Variants in KCNIP4 observed in about 807,000 individuals in gnomAD.
The protein encoded by KCNIP4 is Kv channel-interacting protein 4.
KCNIP4 carries 12 observed loss-of-function variants against 34.0 expected under a neutral mutation model. The observed-to-expected ratio is 0.35, with a 90% CI of 0.23 to 0.57. The LOEUF is 0.57. Among genes scored for constraint, KCNIP4 ranks in the 20% least tolerant of loss-of-function variants. The pLI, the probability that KCNIP4 is intolerant of heterozygous loss-of-function variation, is 0.83. For missense variants in KCNIP4, 238 were observed against 311.7 expected, an observed-to-expected ratio of 0.76 and a Z score of 1.78; for synonymous variants, 124 against 102.2, an observed-to-expected ratio of 1.21 and a Z score of -1.29.
At position 20,729,090 on chromosome 4, in the gene KCNIP4, A is replaced by G. The variant is rs564171608; in HGVS notation, c.*992T>C. 1.3e-5 allele frequency: 2 copies of G among 152,044 alleles called. No individual in the cohort carries two copies. Among genetic ancestry groups the G allele is most frequent in the South Asian group, 2.2e-4 (1 of 4,460 alleles). The allele number at this position is 152,044 out of a possible 1,614,324, so 9.4% of individuals were successfully genotyped here. ...TTTGCTTGCTGTTTGTTCTTAGTAG[A>G]CAGTGGGGTAGTCAAGGTTTCTTTC... On this transcript the variant is annotated 3_prime_UTR_variant, in exon 9 of 9. Transcript: ENST00000382152.
chr4:21,272,887 C>G (rs1762236924), intron 1 of KCNIP4, among the ~76,000 whole-genome samples: 1 of 152,108 alleles, frequency 6.6e-6, no homozygotes, highest in Non-Finnish European at 1.5e-5. Flanking sequence ...TTATCTACAG[C>G]ACAATTATTG....
intron 1 of KCNIP4, among the ~76,000 whole-genome samples, chr4:21,856,353 T>G (rs1474117183): frequency 6.6e-6 from 1 of 152,022 alleles, no homozygotes; most frequent in African/African-American, 2.4e-5. Context: ...GAATATAAAG[T>G]TGTGAGTGGC....
intron 1 of KCNIP4, among the ~76,000 whole-genome samples, chr4:21,799,939 C>T (rs1241163643): frequency 6.6e-6 from 1 of 152,092 alleles, no homozygotes; most frequent in Non-Finnish European, 1.5e-5. Context: ...TAGTTGTGAC[C>T]GTGACTATAC....
At chr4:21,086,979 CTCTT>C (rs1325860322) in intron 1 of KCNIP4, among the ~76,000 whole-genome samples, 24 of 146,686 alleles carry the variant, frequency 1.6e-4, no homozygotes, top group African/African-American at 2.5e-4. Context: ...CTCTCTCTCT[CTCTT>C]TCTTTCTTTT....
chr4:21,811,549 C>T (rs992906488), intron 1 of KCNIP4, among the ~76,000 whole-genome samples: 5 of 152,176 alleles, frequency 3.3e-5, no homozygotes, highest in South Asian at 4.1e-4. Context: ...GGGTAGGATT[C>T]GCTGAGCCTT....
intron 1 of KCNIP4, among the ~76,000 whole-genome samples, chr4:21,195,795 A>T (rs1335000986): frequency 6.6e-6 from 1 of 152,114 alleles, no homozygotes; most frequent in African/African-American, 2.4e-5. Context: ...GCTCATTAAG[A>T]ATGTTGCAAC....
rs185106086 is a variant in KCNIP4 at position 20,967,883 on chromosome 4, G to C, written c.62-85174C>G. 2.1e-4 allele frequency among the ~76,000 whole-genome samples: 32 copies of C among 152,268 alleles called. No individual in the cohort carries two copies. The South Asian group carries it at 2.9e-3, about 14-fold the overall frequency. ...ACATAGGCATGGGCAAAGACTTCAT[G>C]ACTAACACACCAAAAGCAATGGCAA... On this transcript the variant is annotated intron_variant, in intron 1 of 8. Transcript: ENST00000382152.
chr4:21,440,595 G>A (rs1301510948), intron 1 of KCNIP4, among the ~76,000 whole-genome samples: 1 of 152,166 alleles, frequency 6.6e-6, no homozygotes, highest in Admixed American at 6.5e-5. Flanking sequence ...AAAAAATTGG[G>A]CGTCCGCCGG....
intron 1 of KCNIP4, among the ~76,000 whole-genome samples, chr4:20,913,674 T>A (rs1338868197): frequency 6.6e-6 from 1 of 152,196 alleles, no homozygotes; most frequent in East Asian, 1.9e-4. Flanking sequence ...GGCGATTTAG[T>A]GTAGTGGTTA....
At chr4:21,406,615 A>G (rs1724014577) in intron 1 of KCNIP4, among the ~76,000 whole-genome samples, 1 of 152,210 alleles carries the variant, frequency 6.6e-6, no homozygotes, top group Non-Finnish European at 1.5e-5. Context: ...TAAATATGAC[A>G]ATTATCTCAA....
At position 20,729,950 on chromosome 4, in the gene KCNIP4, TA is replaced by T; in HGVS notation, c.*131del. The T allele has an allele frequency of 9.1e-7, 1 of 1,102,398 alleles. No individual in the cohort carries two copies. Among genetic ancestry groups the T allele is most frequent in the Non-Finnish European group, 1.2e-6 (1 of 812,492 alleles). The allele number at this position is 1,102,398 out of a possible 1,614,324, so 68.3% of individuals were successfully genotyped here. A position where few individuals can be genotyped will look rare whatever the true frequency, so the allele number is the denominator to read the frequency against. On this transcript the variant is annotated 3_prime_UTR_variant, in exon 9 of 9. Coordinates refer to ENST00000382152, the MANE Select transcript of KCNIP4 (RefSeq NM_025221.6). Reference sequence around the variant, plus strand: ...AAATCTTTTGGGGATTGCTTTATATTAAAACAAAGCTTGTTTGCATAATATG... The same window carrying T: ...AAATCTTTTGGGGATTGCTTTATATTAAACAAAGCTTGTTTGCATAATATG...
Position 21,285,718 on chromosome 4 carries a change from G to A in KCNIP4, c.62-403009C>T, listed in dbSNP as rs551101569. The stretch of plus-strand genomic sequence containing the variant: ...AAGCCAGGCATGGTAGTAGGTGTCT[G>A]TAATCCCAGCTACTTGGGAGGCTGA... On this transcript the variant is annotated intron_variant, in intron 1 of 8. Transcript: ENST00000382152. 3.2e-3 allele frequency among the ~76,000 whole-genome samples: 484 copies of A among 152,200 alleles called. 5 individuals carry two copies. The highest frequency in any genetic ancestry group is 0.011 in the African/African-American group (452 of 41,528).
chr4:21,287,087 C>T (rs1454999975), intron 1 of KCNIP4, among the ~76,000 whole-genome samples: 5 of 152,092 alleles, frequency 3.3e-5, no homozygotes, highest in Non-Finnish European at 7.4e-5. Context: ...AGAGTCCTCT[C>T]CCCCTGGAAG....
chr4:20,900,735 G>A (rs964294885), intron 1 of KCNIP4, among the ~76,000 whole-genome samples: 1 of 152,034 alleles, frequency 6.6e-6, no homozygotes, highest in African/African-American at 2.4e-5. Context: ...AAGTGGGGAA[G>A]GAGCCCAGCA....
intron 1 of KCNIP4, among the ~76,000 whole-genome samples, chr4:20,943,971 G>A (rs572240183): frequency 3.3e-5 from 5 of 152,294 alleles, no homozygotes; most frequent in Admixed American, 6.5e-5. Flanking sequence ...GTCTAAAATA[G>A]GGAATGGGTT....
At chr4:21,507,633 G>A (rs963412253) in intron 1 of KCNIP4, among the ~76,000 whole-genome samples, 2 of 152,146 alleles carry the variant, frequency 1.3e-5, no homozygotes, top group African/African-American at 4.8e-5. Context: ...ACTAGGTGGT[G>A]TTGGAGACAA....
intron 1 of KCNIP4, among the ~76,000 whole-genome samples, chr4:21,618,846 G>A (rs1392112750): frequency 6.6e-6 from 1 of 151,688 alleles, no homozygotes; most frequent in East Asian, 1.9e-4. Context: ...TCTTAGCCAG[G>A]ATGGTCTCGA....
chr4:21,093,555 G>T (rs1413752484), intron 1 of KCNIP4, among the ~76,000 whole-genome samples: 1 of 129,562 alleles, frequency 7.7e-6, no homozygotes, highest in Non-Finnish European at 1.6e-5. Context: ...AAAGAAATAT[G>T]GAAAAAAAAA....
At chr4:21,103,650 C>CGT (rs1040223502) in intron 1 of KCNIP4, among the ~76,000 whole-genome samples, 1 of 149,596 alleles carries the variant, frequency 6.7e-6, no homozygotes, top group Non-Finnish European at 1.5e-5. Flanking sequence ...TAGTTACATA[C>CGT]GTATACATGT....
Sources: allele counts gnomAD v4.1 joint callset (sites outside exome capture counted in the v4.1 genomes callset), GRCh38; gene constraint gnomAD v4.1.1; transcripts MANE v1.5; gene names NCBI Gene and HGNC (gene_info 2026-07-23, HGNC 2026-07-21).